Variants in ANKS1A observed in about 807,000 individuals in gnomAD.
ANKS1A encodes ankyrin repeat and sterile alpha motif domain containing 1A, also known as ankyrin repeat and SAM domain-containing protein 1A.
Under a neutral mutation model 120.3 loss-of-function variants are expected in ANKS1A, and 55 were observed. The ratio of observed to expected loss-of-function variants is 0.46; its 90% CI spans 0.37 to 0.57. The LOEUF is 0.57. Among genes scored for constraint, ANKS1A ranks in the 20% least tolerant of loss-of-function variants. The pLI is 0.00. For synonymous variants in ANKS1A, 590 were observed against 604.7 expected (o/e 0.98, Z 0.36); for missense variants, 1,123 against 1,480.3 (o/e 0.76, Z 3.96).
In ANKS1A at chr6:34,949,619, A is replaced by G. The variant is rs144147141; in HGVS notation, c.198-17620A>G. ...AGCTGTTCTAGGATATAAAATAAAT[A>G]TCTGGGATTTAGTGACCCTCAAATT... On this transcript the variant is annotated intron_variant, in intron 1 of 23. Coordinates refer to ENST00000360359, the MANE Select transcript of ANKS1A (RefSeq NM_015245.3). 1.7e-3 allele frequency among the ~76,000 whole-genome samples: 261 copies of G among 152,320 alleles called. 1 individual carries two copies. The highest frequency in any genetic ancestry group is 0.014 in the Middle Eastern group (4 of 294).
intron 1 of ANKS1A, among the ~76,000 whole-genome samples, chr6:34,941,100 G>A (rs1247253101): frequency 6.6e-6 from 1 of 151,668 alleles, no homozygotes; most frequent in African/African-American, 2.4e-5. Context: ...TGATTCTCCT[G>A]CCTCAGCCTC....
chr6:34,963,157 C>T (rs1031450339), intron 1 of ANKS1A, among the ~76,000 whole-genome samples: 1 of 152,116 alleles, frequency 6.6e-6, no homozygotes, highest in Non-Finnish European at 1.5e-5. Context: ...CCACCACACC[C>T]GGCTGCGATT....
At chr6:34,967,421 C>T (rs1311782063) in intron 2 of ANKS1A, 102 bp downstream of exon 2, 2 of 1,141,924 alleles carry the variant, frequency 1.8e-6, no homozygotes, top group Non-Finnish European at 2.5e-6. Flanking sequence ...AGCTTAGTGG[C>T]TCATGCCTGT....
intron 1 of ANKS1A, among the ~76,000 whole-genome samples, chr6:34,962,661 C>T (rs1428363196): frequency 5.9e-5 from 9 of 151,682 alleles, no homozygotes; most frequent in African/African-American, 2.2e-4. Context: ...TGGTGGCATG[C>T]GCCTGTAGTC....
intron 10 of ANKS1A, among the ~76,000 whole-genome samples, chr6:35,000,932 C>CT (rs1481561051): frequency 1.3e-5 from 2 of 151,966 alleles, no homozygotes; most frequent in Non-Finnish European, 2.9e-5. Flanking sequence ...AAAAAGGTAT[C>CT]ATTCAGTTTT....
In ANKS1A at chr6:35,031,164, G is replaced by A. The variant is rs528264274; in HGVS notation, c.2010+13105G>A. On this transcript the variant is annotated intron_variant, in intron 11 of 23. Coordinates refer to ENST00000360359, the MANE Select transcript of ANKS1A (RefSeq NM_015245.3). ...GCGGTTCTGTGGAGTGGAGGTGTTT[G>A]TTGCCTTTTAAAGCTTTATCCTGTG... 2.6e-5 allele frequency among the ~76,000 whole-genome samples: 4 copies of A among 152,244 alleles called. No individual in the cohort carries two copies. The South Asian group carries it at 8.3e-4, about 32-fold the overall frequency.
At chr6:34,934,252 A>G (rs374765431) in intron 1 of ANKS1A, among the ~76,000 whole-genome samples, 9 of 152,134 alleles carry the variant, frequency 5.9e-5, no homozygotes, top group South Asian at 2.1e-4. Flanking sequence ...GGTTCACGCC[A>G]TTCTCCTGCC....
chr6:34,955,729 G>A (rs1770331515), intron 1 of ANKS1A, among the ~76,000 whole-genome samples: 1 of 151,920 alleles, frequency 6.6e-6, no homozygotes, highest in African/African-American at 2.4e-5. Flanking sequence ...AGAGTGTGTG[G>A]GAGGTAAAGT....
In ANKS1A at chr6:35,090,380, A is replaced by G; in HGVS notation, c.*1771A>G. The G allele has an allele frequency of 8.1e-7, 1 of 1,237,888 alleles. No individual in the cohort carries two copies. The highest frequency in any genetic ancestry group is 1.4e-5 in the South Asian group (1 of 73,208). The allele number at this position is 1,237,888 out of a possible 1,614,324, so 76.7% of individuals were successfully genotyped here. A position where few individuals can be genotyped will look rare whatever the true frequency, so the allele number is the denominator to read the frequency against. ...TCTTCCTCCTAAGGGGCCAGGCCAC[A>G]TCCAAGTGGGCCTCTGTCGGGGGCG... On this transcript the variant is annotated 3_prime_UTR_variant, in exon 24 of 24. Coordinates refer to ENST00000360359, the MANE Select transcript of ANKS1A (RefSeq NM_015245.3).
intron 11 of ANKS1A, chr6:35,039,668 A>G: frequency 2.2e-6 from 1 of 455,694 alleles, no homozygotes; most frequent in South Asian, 1.6e-5. Flanking sequence ...CACAGAAGCC[A>G]TTCTCCTGAA....
chr6:35,019,905 A>G (rs1012456400), intron 11 of ANKS1A, among the ~76,000 whole-genome samples: 1 of 152,140 alleles, frequency 6.6e-6, no homozygotes, highest in African/African-American at 2.4e-5. Context: ...TTCAGGAAAG[A>G]CCACTAGAGC....
intron 3 of ANKS1A, among the ~76,000 whole-genome samples, chr6:34,974,480 A>G (rs10947533): frequency 0.77 from 114,147 of 149,102 alleles, 45,433 homozygotes; most frequent in Non-Finnish European, 0.88. Context: ...CCAGGCTGAA[A>G]TGCAGTGATT....
Position 34,889,262 on chromosome 6 carries a change from C to T in ANKS1A, c.-141C>T. 1 of 1,146,368 alleles carries T rather than the reference C, an allele frequency of 8.7e-7. No individual in the cohort carries two copies. The highest frequency in any genetic ancestry group is 1.1e-6 in the Non-Finnish European group (1 of 914,084). The allele number at this position is 1,146,368 out of a possible 1,614,324, so 71.0% of individuals were successfully genotyped here. A position where few individuals can be genotyped will look rare whatever the true frequency, so the allele number is the denominator to read the frequency against. ...GTGACGCCGGATCCCGGAAGTGACG[C>T]GCTCGTGGGGAAAAGGCAGGGAGGG... On this transcript the variant is annotated 5_prime_UTR_variant, in exon 1 of 24. Transcript: ENST00000360359. This position sits in a 1 kb window ranked among gnomAD's most constrained non-coding sequence, Gnocchi z 5.5.
intron 13 of ANKS1A, among the ~76,000 whole-genome samples, chr6:35,075,478 C>T (rs796689367): frequency 3.7e-4 from 54 of 147,282 alleles, no homozygotes; most frequent in African/African-American, 1.1e-3. Context: ...TGCAGTGGCG[C>T]GATCTCAGCT....
intron 1 of ANKS1A, among the ~76,000 whole-genome samples, chr6:34,952,995 C>T (rs972161317): frequency 6.6e-6 from 1 of 152,210 alleles, no homozygotes; most frequent in South Asian, 2.1e-4. Context: ...CAGGCGTGAG[C>T]CACCATGGCC....
chr6:35,048,369 G>C (rs1775816841), intron 11 of ANKS1A, among the ~76,000 whole-genome samples: 1 of 152,084 alleles, frequency 6.6e-6, no homozygotes, highest in Admixed American at 6.5e-5. Context: ...TGTGGAAAAG[G>C]GAGTTCCTCA....
chr6:35,090,381 TC>T lies in ANKS1A; in HGVS notation c.*1774del. The T allele has an allele frequency of 8.1e-7, 1 of 1,237,160 alleles. No individual in the cohort carries two copies. Among genetic ancestry groups the T allele is most frequent in the Non-Finnish European group, 1.0e-6 (1 of 962,522 alleles). The allele number at this position is 1,237,160 out of a possible 1,614,324, so 76.6% of individuals were successfully genotyped here. A position where few individuals can be genotyped will look rare whatever the true frequency, so the allele number is the denominator to read the frequency against. ...CTTCCTCCTAAGGGGCCAGGCCACA[TC>T]CAAGTGGGCCTCTGTCGGGGGCGGG... On this transcript the variant is annotated 3_prime_UTR_variant, in exon 24 of 24. Transcript: ENST00000360359.
rs1333532800 is a variant in ANKS1A at position 34,970,170 on chromosome 6, G to A, written c.435+4G>A. On this transcript the variant is annotated splice_donor_region_variant and intron_variant, in intron 3 of 23. Transcript: ENST00000360359. ...ACACACCAGAGTCAATGAACAGGTC[G>A]GAAGGAAGGGAGGCTTTCCTTCCTC... 3.7e-6 allele frequency: 6 copies of A among 1,609,410 alleles called. No individual in the cohort carries two copies. The highest frequency in any genetic ancestry group is 2.2e-5 in the South Asian group (2 of 90,536).
At position 35,086,833 on chromosome 6, in the gene ANKS1A, A is replaced by G; in HGVS notation, c.3304-119A>G. 1 of 1,030,058 alleles carries G rather than the reference A, an allele frequency of 9.7e-7. No individual in the cohort carries two copies. Among genetic ancestry groups the G allele is most frequent in the South Asian group, 1.3e-5 (1 of 76,936 alleles). The allele number at this position is 1,030,058 out of a possible 1,614,324, so 63.8% of individuals were successfully genotyped here. ...GGGGCCTGCTCTTTGGCCGAGGAGA[A>G]TAAGGGCTGCCCCTCCCAGCACAGG... On this transcript the variant is annotated intron_variant, in intron 22 of 23. Coordinates refer to ENST00000360359, the MANE Select transcript of ANKS1A (RefSeq NM_015245.3). The surrounding 1 kb of genome is among the most constrained non-coding windows in gnomAD (Gnocchi z 5.1).
Sources: gnomAD v4.1 joint callset for allele counts (sites outside exome capture counted in the v4.1 genomes callset) on GRCh38, gnomAD v4.1.1 for gene constraint, Gnocchi (gnomAD v3.1) non-coding constraint, MANE v1.5 for transcripts, NCBI Gene and HGNC (gene_info 2026-07-23, HGNC 2026-07-21) for gene names.